TCF12: variants seen among roughly 807,000 people sequenced by gnomAD.
TCF12 encodes the protein DNA-binding protein HTF4.
Under a neutral mutation model 86.0 loss-of-function variants are expected in TCF12, and 45 were observed. The ratio of observed to expected loss-of-function variants is 0.52; its 90% CI spans 0.41 to 0.67. TCF12 has a LOEUF of 0.67. TCF12 is among the 30% of genes least tolerant of loss of function. TCF12 has a pLI of 0.00. For synonymous variants in TCF12, 330 were observed against 299.6 expected, an observed-to-expected ratio of 1.10 and a Z score of -1.05; for missense variants, 881 against 859.9, an observed-to-expected ratio of 1.02 and a Z score of -0.31.
At chr15:56,944,865 G>A (rs753391829) in intron 3 of TCF12, among the ~76,000 whole-genome samples, 1 of 152,134 alleles carries the variant, frequency 6.6e-6, no homozygotes, top group Non-Finnish European at 1.5e-5. Flanking sequence ...GATATATTAA[G>A]AGATTCTATT....
intron 3 of TCF12, among the ~76,000 whole-genome samples, chr15:56,950,937 G>A (rs2061244294): frequency 6.6e-6 from 1 of 151,442 alleles, no homozygotes; most frequent in Non-Finnish European, 1.5e-5. Context: ...TGTGTTTTTA[G>A]TAGAGATGGG....
chr15:57,158,725 A>G (rs1484496607), intron 5 of TCF12, among the ~76,000 whole-genome samples: 1 of 152,166 alleles, frequency 6.6e-6, no homozygotes, highest in East Asian at 1.9e-4. Context: ...CTCTATAGGG[A>G]TCCTGTGGTT....
At position 56,949,378 on chromosome 15, in the gene TCF12, G is replaced by A. The variant is rs377148061; in HGVS notation, c.148+28280G>A. On this transcript the variant is annotated intron_variant, in intron 3 of 20. Coordinates refer to ENST00000333725, the MANE Select transcript of TCF12 (RefSeq NM_207037.2). ...TTAATATTTATTCTGAGCACACAGA[G>A]CATTGTTACACACATTCAGTAATTT... Among the ~76,000 whole-genome samples the A allele has an allele frequency of 1.1e-4, 17 of 152,242 alleles. No individual in the cohort carries two copies. In the East Asian group the frequency reaches 2.9e-3, roughly 26 times the overall value.
In TCF12 at chr15:57,253,447, A is replaced by C. The variant is rs375506853; in HGVS notation, c.1446A>C (p.Ala482=). 7 of 1,613,968 alleles carry C rather than the reference A, an allele frequency of 4.3e-6. No homozygotes were observed. In the African/African-American group the frequency reaches 9.3e-5, roughly 22 times the overall value. ...NSNYGGSSLV[A]SSRSASMVGT... Reference sequence around the variant, plus strand: ...ACTATGGAGGATCAAGCCTTGTTGCAAGCAGTCGATCAGCTTCAATGGTAA... The same window carrying C: ...ACTATGGAGGATCAAGCCTTGTTGCCAGCAGTCGATCAGCTTCAATGGTAA... Residue 482 remains alanine, a synonymous_variant, in exon 16 of 21, where the codon GCA becomes GCC. Coordinates refer to ENST00000333725, the MANE Select transcript of TCF12 (RefSeq NM_207037.2).
chr15:57,010,758 A>C (rs977742333), intron 3 of TCF12, among the ~76,000 whole-genome samples: 1 of 152,212 alleles, frequency 6.6e-6, no homozygotes, highest in African/African-American at 2.4e-5. Context: ...TGGCCAGTCT[A>C]GTTCTAGAAA....
intron 2 of TCF12, among the ~76,000 whole-genome samples, chr15:56,920,189 C>T (rs577554582): frequency 1.3e-5 from 2 of 152,238 alleles, no homozygotes; most frequent in African/African-American, 4.8e-5. Context: ...GATGTAATGT[C>T]TAGACTTGCA....
At chr15:57,182,157 A>G (rs1178186271) in intron 6 of TCF12, among the ~76,000 whole-genome samples, 2 of 152,206 alleles carry the variant, frequency 1.3e-5, no homozygotes, top group African/African-American at 4.8e-5. Context: ...CAAGATCAGT[A>G]GTAATCAATA....
intron 4 of TCF12, among the ~76,000 whole-genome samples, chr15:57,069,147 G>T (rs2069154639): frequency 6.6e-6 from 1 of 152,090 alleles, no homozygotes; most frequent in Non-Finnish European, 1.5e-5. Context: ...GCATCCTGGG[G>T]TGGGAGTAGG....
chr15:57,227,925 A>G (rs2058963483), intron 8 of TCF12, among the ~76,000 whole-genome samples: 1 of 152,088 alleles, frequency 6.6e-6, no homozygotes, highest in Admixed American at 6.6e-5. Context: ...CTTAAAGCAT[A>G]TATATTCCTT....
chr15:56,946,798 C>CT (rs71113039), intron 3 of TCF12, among the ~76,000 whole-genome samples: 41,662 of 113,504 alleles, frequency 0.37, 9,760 homozygotes, highest in Non-Finnish European at 0.51. Context: ...TCTAAAGTAC[C>CT]TTTTTTTTTT....
At chr15:57,004,257 G>C (rs1316721047) in intron 3 of TCF12, among the ~76,000 whole-genome samples, 1 of 149,984 alleles carries the variant, frequency 6.7e-6, no homozygotes, top group Non-Finnish European at 1.5e-5. Flanking sequence ...TTTTGAGATG[G>C]AGTTTTGCTC....
intron 5 of TCF12, among the ~76,000 whole-genome samples, chr15:57,147,477 A>G (rs2053437489): frequency 1.3e-5 from 2 of 152,266 alleles, no homozygotes; most frequent in East Asian, 3.9e-4. Flanking sequence ...TCATTGAAAT[A>G]TTTTAAAGCA....
At position 57,219,239 on chromosome 15, in the gene TCF12, C is replaced by T. The variant is rs147519185; in HGVS notation, c.580-11913C>T. On this transcript the variant is annotated intron_variant, in intron 8 of 20. Transcript: ENST00000333725. ...TTTTATTCAGGGCATATTTATTTAG[C>T]GCTTAAAAGTGACTTGCATTTTTTT... 2,853 of 1,137,114 alleles carry T rather than the reference C, an allele frequency of 2.5e-3. 50 individuals carry two copies. In the African/African-American group the frequency reaches 0.039, roughly 16 times the overall value. 70.4% of individuals were successfully genotyped at this position (1,137,114 alleles called of 1,614,324 possible). A position where few individuals can be genotyped will look rare whatever the true frequency, so the allele number is the denominator to read the frequency against.
chr15:57,224,987 A>C (rs1274591534), intron 8 of TCF12, among the ~76,000 whole-genome samples: 1 of 152,170 alleles, frequency 6.6e-6, no homozygotes, highest in Non-Finnish European at 1.5e-5. Flanking sequence ...ATTTTATGTA[A>C]TATGAAAATA....
intron 3 of TCF12, among the ~76,000 whole-genome samples, chr15:56,973,671 T>C (rs775146634): frequency 6.6e-6 from 1 of 152,088 alleles, no homozygotes; most frequent in Non-Finnish European, 1.5e-5. Flanking sequence ...AAGTGAAAGT[T>C]TGATGAGTAA....
chr15:56,945,297 C>CT, intron 3 of TCF12, among the ~76,000 whole-genome samples: 1 of 152,182 alleles, frequency 6.6e-6, no homozygotes, highest in African/African-American at 2.4e-5. Context: ...CTTAATCCGT[C>CT]TTAAGAGAGA....
At chr15:57,024,141 A>G (rs1056041609) in intron 3 of TCF12, among the ~76,000 whole-genome samples, 11 of 151,672 alleles carry the variant, frequency 7.3e-5, no homozygotes, top group African/African-American at 1.2e-4. Flanking sequence ...ACTGTGAACA[A>G]TGTGTTAGGA....
At chr15:57,153,805 TGAGG>T (rs1456339882) in intron 5 of TCF12, among the ~76,000 whole-genome samples, 1 of 151,680 alleles carries the variant, frequency 6.6e-6, no homozygotes, top group African/African-American at 2.4e-5. Flanking sequence ...GAGGATTGCT[TGAGG>T]GCAGGAGTTC....
At chr15:57,244,769 G>GT (rs1219895464) in intron 13 of TCF12, among the ~76,000 whole-genome samples, 29 of 148,464 alleles carry the variant, frequency 2.0e-4, no homozygotes, top group Non-Finnish European at 2.4e-4. Context: ...CGGCCCACAT[G>GT]TTTTTTTTTT....
Sources: gnomAD v4.1 joint callset for allele counts (sites outside exome capture counted in the v4.1 genomes callset) on GRCh38, gnomAD v4.1.1 for gene constraint, MANE v1.5 for transcripts, NCBI Gene and HGNC (gene_info 2026-07-23, HGNC 2026-07-21) for gene names.